Variants in KCNK10 observed in about 807,000 individuals in gnomAD.
KCNK10 encodes potassium channel subfamily K member 10.
A neutral mutation model predicts 47.7 loss-of-function variants in KCNK10; 25 were observed. That is an observed-to-expected ratio of 0.52 (90% confidence interval 0.38 to 0.73). The LOEUF is 0.73. Among genes scored for constraint, KCNK10 ranks in the 30% least tolerant of loss-of-function variants. The probability of loss-of-function intolerance (pLI) is 0.00; values close to 1 mark genes in which losing one functional copy is unlikely to be tolerated. For synonymous variants in KCNK10, 303 were observed against 285.6 expected (o/e 1.06, Z -0.61); for missense variants, 563 against 714.5 (o/e 0.79, Z 2.42).
intron 1 of KCNK10, among the ~76,000 whole-genome samples, chr14:88,286,889 A>T (rs1887774959): frequency 6.6e-6 from 1 of 152,224 alleles, no homozygotes; most frequent in Non-Finnish European, 1.5e-5. Context: ...ATGAGAACAC[A>T]GCCAAACCTT....
chr14:88,222,043 G>A (rs1885828335), intron 4 of KCNK10, among the ~76,000 whole-genome samples: 1 of 152,188 alleles, frequency 6.6e-6, no homozygotes, highest in South Asian at 2.1e-4. Context: ...AACAAAAAGA[G>A]GCTTAATTGG....
At chr14:88,205,542 C>CTTTTTTTTTTTT (rs200265659) in intron 4 of KCNK10, among the ~76,000 whole-genome samples, 34 of 115,776 alleles carry the variant, frequency 2.9e-4, no homozygotes, top group Non-Finnish European at 3.5e-4. Flanking sequence ...CTTTTCTTTT[C>CTTTTTTTTTTTT]TTTTTTTTTT....
At chr14:88,251,208 G>C (rs972351372) in intron 2 of KCNK10, among the ~76,000 whole-genome samples, 1 of 145,518 alleles carries the variant, frequency 6.9e-6, no homozygotes, top group African/African-American at 2.6e-5. Flanking sequence ...ACTCCAGCCT[G>C]GGAGACAGAG....
chr14:88,268,810 G>A (rs2139760473), intron 1 of KCNK10, among the ~76,000 whole-genome samples: 1 of 152,344 alleles, frequency 6.6e-6, no homozygotes, highest in Admixed American at 6.5e-5. Context: ...TGATGAGAAA[G>A]GAAATGTTGA....
intron 2 of KCNK10, among the ~76,000 whole-genome samples, chr14:88,261,094 T>A (rs890032768): frequency 2.0e-5 from 3 of 152,256 alleles, no homozygotes; most frequent in Non-Finnish European, 4.4e-5. Flanking sequence ...TGCTTTGATA[T>A]CTTGCTCTAA....
chr14:88,218,620 C>G (rs537136120), intron 4 of KCNK10, among the ~76,000 whole-genome samples: 1 of 151,644 alleles, frequency 6.6e-6, no homozygotes, highest in South Asian at 2.1e-4. Context: ...ACCAGAAAGC[C>G]TGCTGATCCG....
rs200366528 is a variant in KCNK10 at position 88,185,933 on chromosome 14, G to A, written c.1234C>T (p.Arg412Cys). The A allele has an allele frequency of 1.2e-5, 20 of 1,613,944 alleles. No individual in the cohort carries two copies. In the Admixed American group the frequency reaches 1.3e-4, roughly 11 times the overall value. The change falls in exon 7 of 7, where the codon CGC (arginine) becomes TGC (cysteine). Residue 412 changes from arginine to cysteine, a missense_variant. By Grantham distance (180) the Arg-to-Cys change is radical. Coordinates refer to ENST00000319231, the MANE Select transcript of KCNK10 (RefSeq NM_138317.3). This position sits in a 1 kb window ranked among gnomAD's most constrained non-coding sequence, Gnocchi z 4.3. Reference sequence around the variant, plus strand: ...CTCTCCTGGGATGAGGCCTTGAAGCGGCCGGTGTCCAGGGCAGCAAAGACA... The same window carrying A: ...CTCTCCTGGGATGAGGCCTTGAAGCAGCCGGTGTCCAGGGCAGCAAAGACA... ...RSVFAALDTG[R>C]FKASSQESIN...
chr14:88,295,609 G>A (rs1005688250), intron 1 of KCNK10, among the ~76,000 whole-genome samples: 6 of 152,130 alleles, frequency 3.9e-5, no homozygotes, highest in African/African-American at 1.2e-4. Flanking sequence ...GCAGTGGGCC[G>A]GGATCGTGCC....
At chr14:88,273,967 A>G (rs914200810) in intron 1 of KCNK10, among the ~76,000 whole-genome samples, 2 of 152,054 alleles carry the variant, frequency 1.3e-5, no homozygotes, top group African/African-American at 2.4e-5. Flanking sequence ...TGTCAACGCC[A>G]TTCCTTCCAG....
In KCNK10 at chr14:88,185,973, G is replaced by C; in HGVS notation, c.1194C>G (p.Ser398=). ...CAGCAAAGACAGAGCGCTTCTCGGG[G>C]GACAGCATGTCCAGTGAGTGGGCCC... The part of the protein sequence containing the change: ...DQRAHSLDML[S]PEKRSVFAAL... The change falls in exon 7 of 7, where the codon TCC becomes TCG. Residue 398 remains serine, a synonymous_variant. Coordinates refer to ENST00000319231, the MANE Select transcript of KCNK10 (RefSeq NM_138317.3). This position sits in a 1 kb window ranked among gnomAD's most constrained non-coding sequence, Gnocchi z 4.3. The C allele has an allele frequency of 6.2e-7, 1 of 1,613,614 alleles. No homozygotes were observed. The highest frequency in any genetic ancestry group is 8.5e-7 in the Non-Finnish European group (1 of 1,179,972).
At chr14:88,229,475 GTATTAT>G (rs33913726) in intron 3 of KCNK10, among the ~76,000 whole-genome samples, 2 of 151,386 alleles carry the variant, frequency 1.3e-5, no homozygotes, top group Non-Finnish European at 2.9e-5. Context: ...CCAATGCAAA[GTATTAT>G]TATTATTATT....
intron 3 of KCNK10, among the ~76,000 whole-genome samples, chr14:88,231,608 A>T (rs1382340582): frequency 6.6e-6 from 1 of 152,236 alleles, no homozygotes; most frequent in Non-Finnish European, 1.5e-5. Context: ...CCAGCTTAGA[A>T]AAGCTAGTTA....
At chr14:88,228,466 A>T (rs190263477) in intron 3 of KCNK10, among the ~76,000 whole-genome samples, 9 of 152,326 alleles carry the variant, frequency 5.9e-5, no homozygotes, top group African/African-American at 1.7e-4. Flanking sequence ...ATGAAAGTCT[A>T]AATTAATTAA....
intron 1 of KCNK10, among the ~76,000 whole-genome samples, chr14:88,294,749 C>G (rs557185377): frequency 6.6e-6 from 1 of 152,178 alleles, no homozygotes; most frequent in Admixed American, 6.5e-5. Context: ...GGATCAGTTC[C>G]AGACTTGAAA....
At chr14:88,206,885 G>A (rs1885291641) in intron 4 of KCNK10, among the ~76,000 whole-genome samples, 1 of 152,094 alleles carries the variant, frequency 6.6e-6, no homozygotes, top group Non-Finnish European at 1.5e-5. Flanking sequence ...TGCTATAAAA[G>A]AATATTGGAT....
rs909748646 is a variant in KCNK10, at chr14:88,180,867, T to G, written c.*4668A>C. On this transcript the variant is annotated 3_prime_UTR_variant, in exon 7 of 7. Coordinates refer to ENST00000319231, the MANE Select transcript of KCNK10 (RefSeq NM_138317.3). Reference sequence around the variant, plus strand: ...AGCATGCTGTTCCAAAGTTTCCCTATGCAGAATTAACAGCATCCACAATGC... The same window carrying G: ...AGCATGCTGTTCCAAAGTTTCCCTAGGCAGAATTAACAGCATCCACAATGC... 19 of 398,630 alleles carry G rather than the reference T, an allele frequency of 4.8e-5. No homozygotes were observed. Among genetic ancestry groups the G allele is most frequent in the African/African-American group, 2.9e-4 (14 of 48,646 alleles). The allele number at this position is 398,630 out of a possible 1,614,324, so 24.7% of individuals were successfully genotyped here.
chr14:88,278,072 A>C (rs1887565384), intron 1 of KCNK10, among the ~76,000 whole-genome samples: 1 of 152,348 alleles, frequency 6.6e-6, no homozygotes, highest in African/African-American at 2.4e-5. Flanking sequence ...GATGAGCAGA[A>C]TCCCTGCTGT....
At chr14:88,252,094 T>A (rs1029374602) in intron 2 of KCNK10, among the ~76,000 whole-genome samples, 1 of 152,148 alleles carries the variant, frequency 6.6e-6, no homozygotes, top group South Asian at 2.1e-4. Flanking sequence ...ACTTTTTTTT[T>A]AATATAGATG....
intron 1 of KCNK10, among the ~76,000 whole-genome samples, chr14:88,311,658 AC>A (rs1888332780): frequency 6.6e-6 from 1 of 152,210 alleles, no homozygotes; most frequent in African/African-American, 2.4e-5. Context: ...AGGACTTAGG[AC>A]CAATTTTCAC....
Sources: allele counts gnomAD v4.1 joint callset (sites outside exome capture counted in the v4.1 genomes callset), GRCh38; gene constraint gnomAD v4.1.1; non-coding constraint Gnocchi (gnomAD v3.1); transcripts MANE v1.5; gene names NCBI Gene and HGNC (gene_info 2026-07-23, HGNC 2026-07-21).